The following ADAMTSL3 variants were observed in gnomAD, a reference collection of about 807,000 sequenced individuals.
ADAMTSL3 encodes ADAMTS-like protein 3.
A neutral mutation model predicts 201.7 loss-of-function variants in ADAMTSL3; 128 were observed. That is an observed-to-expected ratio of 0.63 (90% CI 0.55 to 0.73). The LOEUF (loss-of-function observed/expected upper bound fraction) is 0.73, where lower values mean the gene tolerates loss of function less well. Ranked by LOEUF, ADAMTSL3 falls within the 30% of genes least tolerant of loss-of-function variation. ADAMTSL3 has a pLI of 0.00. For missense variants in ADAMTSL3, 1,990 were observed against 2,119.6 expected (o/e 0.94, Z 1.20); for synonymous variants, 738 against 748.4 (o/e 0.99, Z 0.23).
intron 16 of ADAMTSL3, among the ~76,000 whole-genome samples, chr15:83,917,673 C>G (rs568382314): frequency 4.0e-4 from 60 of 151,722 alleles, no homozygotes; most frequent in Non-Finnish European, 6.9e-4. Context: ...ATTTTTTTAC[C>G]TTTATGTTTT....
intron 10 of ADAMTSL3, 113 bp from the exon 11 acceptor site, chr15:83,889,996 C>T (rs2065472277): frequency 2.6e-6 from 3 of 1,165,654 alleles, no homozygotes; most frequent in Admixed American, 4.5e-5. Flanking sequence ...GGTTGAGAAC[C>T]ACTGAGTTAA....
At chr15:83,655,853 A>C in intron 2 of ADAMTSL3, 23 bp downstream of exon 2, 1 of 1,608,188 alleles carries the variant, frequency 6.2e-7, no homozygotes, top group Non-Finnish European at 8.5e-7. Context: ...AGGGAGGGGA[A>C]GGGAAATGGT....
At chr15:83,852,416 C>T (rs1477613942) in intron 7 of ADAMTSL3, among the ~76,000 whole-genome samples, 1 of 152,096 alleles carries the variant, frequency 6.6e-6, no homozygotes, top group African/African-American at 2.4e-5. Context: ...ACCCAGTTGG[C>T]TTGTTTTTTA....
chr15:84,019,286 C>T (rs996308958), intron 25 of ADAMTSL3, among the ~76,000 whole-genome samples: 5 of 152,208 alleles, frequency 3.3e-5, no homozygotes, highest in Admixed American at 2.6e-4. Flanking sequence ...CTGAAACGCT[C>T]ATGCATTGCT....
chr15:83,691,989 A>G (rs2061614829), intron 2 of ADAMTSL3, among the ~76,000 whole-genome samples: 1 of 152,238 alleles, frequency 6.6e-6, no homozygotes, highest in African/African-American at 2.4e-5. Flanking sequence ...AAAAGTATTC[A>G]TAATTCCATA....
chr15:83,909,018 A>T (rs1442088045), intron 15 of ADAMTSL3, among the ~76,000 whole-genome samples: 2 of 152,232 alleles, frequency 1.3e-5, no homozygotes, highest in Non-Finnish European at 2.9e-5. Flanking sequence ...CAATTTCTAG[A>T]GGCCACCTGC....
At chr15:83,975,308 C>T (rs1443329070) in intron 20 of ADAMTSL3, among the ~76,000 whole-genome samples, 4 of 151,992 alleles carry the variant, frequency 2.6e-5, no homozygotes, top group Non-Finnish European at 4.4e-5. Context: ...GGCCAGCCTG[C>T]GTCTTTAGTT....
intron 15 of ADAMTSL3, among the ~76,000 whole-genome samples, chr15:83,900,350 A>C (rs7175718): frequency 0.015 from 2,343 of 152,330 alleles, 59 homozygotes; most frequent in African/African-American, 0.05. Context: ...CTGGATTGTA[A>C]CAGTGCCAGT....
At chr15:83,958,054 G>C (rs2066893427) in intron 19 of ADAMTSL3, among the ~76,000 whole-genome samples, 1 of 152,172 alleles carries the variant, frequency 6.6e-6, no homozygotes, top group Non-Finnish European at 1.5e-5. Flanking sequence ...AGTAATATAA[G>C]TAGGTGAGGC....
At chr15:83,950,225 G>T (rs776746806) in intron 19 of ADAMTSL3, among the ~76,000 whole-genome samples, 1 of 152,020 alleles carries the variant, frequency 6.6e-6, no homozygotes, top group Non-Finnish European at 1.5e-5. Flanking sequence ...TCTGCATATG[G>T]ATATCCAGTT....
chr15:83,924,153 T>A, intron 17 of ADAMTSL3, 120 bp downstream of exon 17: 1 of 1,294,474 alleles, frequency 7.7e-7, no homozygotes, highest in Non-Finnish European at 1.0e-6. Flanking sequence ...CTAAGCCTGC[T>A]TCAGAGCTCT....
intron 3 of ADAMTSL3, chr15:83,739,781 A>G (rs994145031): frequency 7.2e-6 from 4 of 555,474 alleles, no homozygotes; most frequent in South Asian, 4.4e-5. Flanking sequence ...AGAAGTCCCC[A>G]TCATGCATGA....
intron 23 of ADAMTSL3, among the ~76,000 whole-genome samples, chr15:83,994,627 C>T (rs1271546771): frequency 9.0e-6 from 1 of 111,092 alleles, no homozygotes; most frequent in Non-Finnish European, 1.7e-5. Flanking sequence ...CACAGAACCT[C>T]ACTCTGTTGC....
chr15:83,906,928 G>C (rs1388694885), intron 15 of ADAMTSL3, among the ~76,000 whole-genome samples: 1 of 150,988 alleles, frequency 6.6e-6, no homozygotes, highest in Non-Finnish European at 1.5e-5. Flanking sequence ...ATTATCTGTA[G>C]GTTTTAAAAT....
At chr15:83,770,818 C>G (rs145825715) in intron 3 of ADAMTSL3, among the ~76,000 whole-genome samples, 2 of 152,074 alleles carry the variant, frequency 1.3e-5, no homozygotes, top group Admixed American at 1.3e-4. Context: ...GCCTGTAATC[C>G]GAGGACTTTG....
At chr15:83,829,272 G>A (rs947700461) in intron 6 of ADAMTSL3, among the ~76,000 whole-genome samples, 10 of 152,146 alleles carry the variant, frequency 6.6e-5, no homozygotes, top group African/African-American at 2.2e-4. Flanking sequence ...TATGTGTCCA[G>A]GAATTTATCC....
At chr15:83,804,386 C>A (rs2063569819) in intron 4 of ADAMTSL3, among the ~76,000 whole-genome samples, 1 of 152,032 alleles carries the variant, frequency 6.6e-6, no homozygotes, top group Non-Finnish European at 1.5e-5. Flanking sequence ...GTTATATGGA[C>A]CCTTGGGTAA....
At chr15:83,711,511 G>C (rs905303737) in intron 3 of ADAMTSL3, among the ~76,000 whole-genome samples, 1 of 152,196 alleles carries the variant, frequency 6.6e-6, no homozygotes, top group Non-Finnish European at 1.5e-5. Context: ...AGTTTGAATA[G>C]TTCATTCCTT....
chr15:83,838,058 G>A (rs1274601043), intron 6 of ADAMTSL3, 31 bp from the exon 7 acceptor site: 1 of 1,597,922 alleles, frequency 6.3e-7, no homozygotes, highest in Non-Finnish European at 8.5e-7. Flanking sequence ...CTGGCTTTGG[G>A]CACCACTGAC....
Sources: gnomAD v4.1 joint callset for allele counts (sites outside exome capture counted in the v4.1 genomes callset) on GRCh38, gnomAD v4.1.1 for gene constraint, MANE v1.5 for transcripts, NCBI Gene and HGNC (gene_info 2026-07-23, HGNC 2026-07-21) for gene names.